Variants in CFAP20 observed in about 807,000 individuals in gnomAD.
CFAP20 encodes the protein cilia- and flagella-associated protein 20.
In CFAP20, 14 loss-of-function variants were observed where a neutral mutation model predicts 25.5. That is an observed-to-expected ratio of 0.55 (90% CI 0.36 to 0.86). The LOEUF is 0.86. Ranked by LOEUF, CFAP20 falls within the 40% of genes least tolerant of loss-of-function variation. The pLI, the probability that CFAP20 is intolerant of heterozygous loss-of-function variation, is 0.01. For missense variants in CFAP20, 181 were observed against 248.0 expected (o/e 0.73, Z 1.81); for synonymous variants, 75 against 91.1 (o/e 0.82, Z 1.01).
chr16:58,116,889 A>C lies in CFAP20; in HGVS notation c.147T>G (p.Ile49Met), dbSNP rs915206240. 26 of 1,614,010 alleles carry C rather than the reference A, an allele frequency of 1.6e-5. No homozygotes were observed. The African/African-American group carries it at 1.9e-4, about 12-fold the overall frequency. Residue 49 changes from isoleucine to methionine, a missense_variant, in exon 2 of 6, where the codon ATT (isoleucine) becomes ATG (methionine). Transcript: ENST00000262498. ...DNDIQSLVLE[I>M]EGTNVSTTYI... ...CAACCTACCTTACATTTGTCCCTTC[A>C]ATCTCTAGCACCAGGGACTGGATGT... is the stretch of plus-strand genomic sequence containing the variant.
rs1021583277 is a variant in CFAP20 at position 58,123,050 on chromosome 16, A to G, written c.84+5982T>C. ...GCTTTTGTTGCCCAGGCTGGAGTGCAATGGCACCATCTCGGCTCACCGCAA... is the reference window on the plus strand; with the variant it reads ...GCTTTTGTTGCCCAGGCTGGAGTGCGATGGCACCATCTCGGCTCACCGCAA... On this transcript the variant is annotated intron_variant, in intron 1 of 5. Transcript: ENST00000262498. 5.3e-5 allele frequency among the ~76,000 whole-genome samples: 8 copies of G among 151,938 alleles called. No homozygotes were observed. In the South Asian group the frequency reaches 1.5e-3, roughly 28 times the overall value.
intron 1 of CFAP20, among the ~76,000 whole-genome samples, chr16:58,124,125 C>T (rs556354087): frequency 1.2e-4 from 18 of 152,278 alleles, no homozygotes; most frequent in South Asian, 8.3e-4. Context: ...TGAAGTGAGT[C>T]CCGCCTGGAG....
At chr16:58,120,245 C>T (rs1042008048) in intron 1 of CFAP20, among the ~76,000 whole-genome samples, 13 of 152,182 alleles carry the variant, frequency 8.5e-5, no homozygotes, top group Non-Finnish European at 1.8e-4. Flanking sequence ...TTCTTTAAAA[C>T]GGGACAAACT....
At chr16:58,123,334 C>T (rs1233062799) in intron 1 of CFAP20, among the ~76,000 whole-genome samples, 3 of 144,870 alleles carry the variant, frequency 2.1e-5, no homozygotes, top group African/African-American at 5.0e-5. Context: ...CAGTGGCTCA[C>T]GCCTGTAATC....
intron 1 of CFAP20, among the ~76,000 whole-genome samples, chr16:58,120,934 A>T (rs112697565): frequency 0.029 from 4,351 of 152,318 alleles, 112 homozygotes; most frequent in South Asian, 0.15. Flanking sequence ...AAGTCTCCAG[A>T]GGTTTGAAAT....
Position 58,129,318 on chromosome 16 carries a change from T to C in CFAP20, c.-203A>G. 1.8e-6 allele frequency: 1 copy of C among 569,486 alleles called. No individual in the cohort carries two copies. Among genetic ancestry groups the C allele is most frequent in the East Asian group, 2.9e-5 (1 of 34,152 alleles). 35.3% of individuals were successfully genotyped at this position (569,486 alleles called of 1,614,324 possible). A position where few individuals can be genotyped will look rare whatever the true frequency, so the allele number is the denominator to read the frequency against. On this transcript the variant is annotated 5_prime_UTR_variant, in exon 1 of 6. Transcript: ENST00000262498. Reference sequence around the variant, plus strand: ...AGTCCGCGATCTTCAGCTCCTAAGCTGCGAGCTCAGAACGGAAACCACAGC... The same window carrying C: ...AGTCCGCGATCTTCAGCTCCTAAGCCGCGAGCTCAGAACGGAAACCACAGC...
At chr16:58,121,430 G>C (rs929751988) in intron 1 of CFAP20, among the ~76,000 whole-genome samples, 1 of 152,122 alleles carries the variant, frequency 6.6e-6, no homozygotes, top group African/African-American at 2.4e-5. Context: ...ACAAAGAGCC[G>C]ACTGTTTTTG....
rs750286500 is a variant in CFAP20, at chr16:58,129,151, C to G, written c.-36G>C. 3.7e-6 allele frequency: 6 copies of G among 1,608,508 alleles called. No homozygotes were observed. The East Asian group carries it at 1.3e-4, about 36-fold the overall frequency. Reference sequence around the variant, plus strand: ...GCCTTCTCCTAAGCCGCCCCCGGAGCCGACCTAGGCCCCGGAGTAGATACA... The same window carrying G: ...GCCTTCTCCTAAGCCGCCCCCGGAGGCGACCTAGGCCCCGGAGTAGATACA... On this transcript the variant is annotated 5_prime_UTR_variant, in exon 1 of 6. Transcript: ENST00000262498.
intron 1 of CFAP20, among the ~76,000 whole-genome samples, chr16:58,118,029 T>C (rs767208997): frequency 6.6e-6 from 1 of 152,226 alleles, no homozygotes; most frequent in Non-Finnish European, 1.5e-5. Context: ...TTGTTTTGTA[T>C]TGTTTGCTGC....
chr16:58,116,628 T>A (rs1470217979), intron 2 of CFAP20: 1 of 526,672 alleles, frequency 1.9e-6, no homozygotes, highest in African/African-American at 1.9e-5. Flanking sequence ...TTACGTGTTT[T>A]ATATATATTC....
intron 3 of CFAP20, 22 bp from the exon 4 acceptor site, chr16:58,115,479 C>A: frequency 6.2e-7 from 1 of 1,612,004 alleles, no homozygotes; most frequent in South Asian, 1.1e-5. Flanking sequence ...AGAGAAGAAG[C>A]ATCACACTAG....
chr16:58,116,832 A>G, intron 2 of CFAP20, 40 bp downstream of exon 2: 1 of 1,555,426 alleles, frequency 6.4e-7, no homozygotes, highest in Non-Finnish European at 8.9e-7. Context: ...CTGCCTCCCT[A>G]GTATATGATG....
chr16:58,115,695 C>G (rs1038223752), intron 3 of CFAP20: 2 of 582,642 alleles, frequency 3.4e-6, no homozygotes, highest in East Asian at 5.8e-5. Flanking sequence ...AGTCAGCAGG[C>G]TCTCAGACCA....
chr16:58,124,976 G>A (rs1234471113), intron 1 of CFAP20, among the ~76,000 whole-genome samples: 1 of 151,998 alleles, frequency 6.6e-6, no homozygotes, highest in Non-Finnish European at 1.5e-5. Context: ...TTGGCTTACT[G>A]GAACTTTTTT....
intron 1 of CFAP20, among the ~76,000 whole-genome samples, chr16:58,119,875 AC>A: frequency 1.1e-5 from 1 of 93,676 alleles, no homozygotes; most frequent in Non-Finnish European, 2.3e-5. Context: ...TGCCCACCTC[AC>A]TCGCCATCTA....
chr16:58,125,889 C>T (rs1960604507), intron 1 of CFAP20, among the ~76,000 whole-genome samples: 1 of 152,094 alleles, frequency 6.6e-6, no homozygotes, highest in Admixed American at 6.6e-5. Flanking sequence ...TGTCACTAAG[C>T]GACAGGAATT....
intron 1 of CFAP20, among the ~76,000 whole-genome samples, chr16:58,117,587 C>T (rs534009423): frequency 2.6e-5 from 4 of 151,836 alleles, no homozygotes; most frequent in Non-Finnish European, 5.9e-5. Context: ...CAGCACCATG[C>T]CCAGCCGATT....
intron 1 of CFAP20, among the ~76,000 whole-genome samples, chr16:58,118,125 C>A (rs1413249780): frequency 6.6e-6 from 1 of 152,216 alleles, no homozygotes; most frequent in African/African-American, 2.4e-5. Flanking sequence ...CAATTATCTT[C>A]AAGCATTAAA....
intron 1 of CFAP20, among the ~76,000 whole-genome samples, chr16:58,128,396 G>A (rs1017743097): frequency 1.3e-5 from 2 of 152,206 alleles, no homozygotes; most frequent in Non-Finnish European, 2.9e-5. Context: ...AAGTCACAGT[G>A]AGTGTGGAGC....
Sources: allele counts gnomAD v4.1 joint callset (sites outside exome capture counted in the v4.1 genomes callset), GRCh38; gene constraint gnomAD v4.1.1; transcripts MANE v1.5; gene names NCBI Gene and HGNC (gene_info 2026-07-23, HGNC 2026-07-21).